The following IFT22 variants were observed in gnomAD, a reference collection of about 807,000 sequenced individuals.
IFT22 encodes intraflagellar transport 22.
IFT22 carries 13 observed loss-of-function variants against 21.0 expected under a neutral mutation model. The observed-to-expected ratio is 0.62, with a 90% CI of 0.40 to 0.98. The LOEUF is 0.98. Ranked by LOEUF, IFT22 falls within the 50% of genes least tolerant of loss-of-function variation. The pLI, the probability that IFT22 is intolerant of heterozygous loss-of-function variation, is 0.00. For missense variants in IFT22, 227 were observed against 228.9 expected (o/e 0.99, Z 0.06); for synonymous variants, 67 against 82.4 (o/e 0.81, Z 1.01).
At chr7:101,318,280 G>A (rs1790223098) in intron 2 of IFT22, 67 bp from the exon 3 acceptor site, 4 of 1,276,020 alleles carry the variant, frequency 3.1e-6, no homozygotes, top group East Asian at 5.0e-5. Context: ...AGCAGTCTGG[G>A]AGGCCAAGGC....
rs1790023916 is a variant in IFT22, at chr7:101,313,103, G to A, written c.*2031C>T. 6.6e-6 allele frequency among the ~76,000 whole-genome samples: 1 copy of A among 152,162 alleles called. No individual in the cohort carries two copies. The highest frequency in any genetic ancestry group is 6.5e-5 in the Admixed American group (1 of 15,268). Reference sequence around the variant, plus strand: ...CCCGTCTCAGACTCCCAAAGTGTTGGGATTACAGGCGTAAGCCACTGCACC... The same window carrying A: ...CCCGTCTCAGACTCCCAAAGTGTTGAGATTACAGGCGTAAGCCACTGCACC... On this transcript the variant is annotated 3_prime_UTR_variant, in exon 5 of 5. Coordinates refer to ENST00000315322, the MANE Select transcript of IFT22 (RefSeq NM_022777.4).
rs751419616 is a variant in IFT22, at chr7:101,314,825, C to T, written c.*309G>A. The T allele has an allele frequency of 5.1e-5, 15 of 295,258 alleles. No individual in the cohort carries two copies. The highest frequency in any genetic ancestry group is 2.3e-4 in the East Asian group (3 of 12,910). 18.3% of individuals were successfully genotyped at this position (295,258 alleles called of 1,614,324 possible). On this transcript the variant is annotated 3_prime_UTR_variant, in exon 5 of 5. Coordinates refer to ENST00000315322, the MANE Select transcript of IFT22 (RefSeq NM_022777.4). ...CTACTGTTGTATCATTGGGCTGCGA[C>T]GGTTACAAGTCCACAAACTGTTTAA...
chr7:101,315,501 A>G (rs1014592009), intron 4 of IFT22: 3 of 578,468 alleles, frequency 5.2e-6, no homozygotes, highest in Admixed American at 6.4e-5. Context: ...CTTAAACCAG[A>G]AAGGAATAGA....
In IFT22 at chr7:101,312,216, C is replaced by G; in HGVS notation, c.*2918G>C. Among the ~76,000 whole-genome samples, 1 of 151,990 alleles carries G rather than the reference C, an allele frequency of 6.6e-6. No individual in the cohort carries two copies. Among genetic ancestry groups the G allele is most frequent in the Non-Finnish European group, 1.5e-5 (1 of 68,004 alleles). On this transcript the variant is annotated 3_prime_UTR_variant, in exon 5 of 5. Transcript: ENST00000315322. ...GACAGGAGTTCGAGATCAGCTGGGG[C>G]AACATGGCAAAACCCCATCTCTACA...
Position 101,311,075 on chromosome 7 carries a change from G to C in IFT22, c.*4059C>G. ...GTGGCGGGACCTCGGCTCACTGCAA[G>C]CTCCGCCTCCCAGGTTCACGCCATT... On this transcript the variant is annotated 3_prime_UTR_variant, in exon 5 of 5. Coordinates refer to ENST00000315322, the MANE Select transcript of IFT22 (RefSeq NM_022777.4). The C allele has an allele frequency of 8.4e-6, 2 of 238,094 alleles. No homozygotes were observed. Among genetic ancestry groups the C allele is most frequent in the South Asian group, 9.5e-5 (2 of 21,092 alleles). The allele number at this position is 238,094 out of a possible 1,614,324, so 14.7% of individuals were successfully genotyped here. A position where few individuals can be genotyped will look rare whatever the true frequency, so the allele number is the denominator to read the frequency against.
At position 101,315,283 on chromosome 7, in the gene IFT22, C is replaced by G; in HGVS notation, c.410-1G>C. 1.2e-6 allele frequency: 2 copies of G among 1,614,068 alleles called. No homozygotes were observed. Among genetic ancestry groups the G allele is most frequent in the Non-Finnish European group, 1.7e-6 (2 of 1,180,018 alleles). ...AGCTTCAGCTTGTTCAAGGGTGGCG[C>G]TTGAAAATGAAGATAAGGTTAATTA... is the stretch of plus-strand genomic sequence containing the variant. On this transcript the variant is annotated splice_acceptor_variant, in intron 4 of 4. Transcript: ENST00000315322. LOFTEE classifies it high-confidence loss of function.
intron 2 of IFT22, 31 bp from the exon 3 acceptor site, chr7:101,318,244 G>C: frequency 6.4e-7 from 1 of 1,564,170 alleles, no homozygotes; most frequent in Admixed American, 1.7e-5. Flanking sequence ...AGTAGGCTGG[G>C]TGCAGTGGCT....
In IFT22 at chr7:101,312,111, G is replaced by A. The variant is rs1207929788; in HGVS notation, c.*3023C>T. Among the ~76,000 whole-genome samples the A allele has an allele frequency of 6.6e-6, 1 of 151,604 alleles. No homozygotes were observed. The highest frequency in any genetic ancestry group is 1.5e-5 in the Non-Finnish European group (1 of 67,888). ...TTGGTGTTATGAAAAATTTTTTAGA[G>A]GTTGTGTATGGGCTGGGCACAATGA... is the stretch of plus-strand genomic sequence containing the variant. On this transcript the variant is annotated 3_prime_UTR_variant, in exon 5 of 5. Transcript: ENST00000315322.
chr7:101,320,049 C>T (rs1385156685), intron 1 of IFT22, among the ~76,000 whole-genome samples: 1 of 151,542 alleles, frequency 6.6e-6, no homozygotes. Context: ...CTCTGCCTCC[C>T]GGATTCAAGC....
chr7:101,319,114 A>T, intron 1 of IFT22, 82 bp from the exon 2 acceptor site: 1 of 1,404,374 alleles, frequency 7.1e-7, no homozygotes, highest in Non-Finnish European at 1.0e-6. Flanking sequence ...GGTGGCCTGG[A>T]ACCCGGTGTG....
chr7:101,320,259 GT>G (rs528527709), intron 1 of IFT22, among the ~76,000 whole-genome samples: 2,502 of 135,478 alleles, frequency 0.018, 74 homozygotes, highest in African/African-American at 0.064. Context: ...ATCCGGCTGG[GT>G]TTTTTTTTTT....
At position 101,312,089 on chromosome 7, in the gene IFT22, G is replaced by C. The variant is rs1475957977; in HGVS notation, c.*3045C>G. On this transcript the variant is annotated 3_prime_UTR_variant, in exon 5 of 5. Transcript: ENST00000315322. ...TCTTTTGAACATGTTTACCAATTTG[G>C]TGTTATGAAAAATTTTTTAGAGGTT... Among the ~76,000 whole-genome samples, 2 of 151,802 alleles carry C rather than the reference G, an allele frequency of 1.3e-5. No homozygotes were observed. Among genetic ancestry groups the C allele is most frequent in the Admixed American group, 6.6e-5 (1 of 15,206 alleles).
chr7:101,315,411 G>C (rs772627529), intron 4 of IFT22, 129 bp from the exon 5 acceptor site: 8 of 986,552 alleles, frequency 8.1e-6, no homozygotes, highest in Non-Finnish European at 1.2e-5. Context: ...CTTGACACCA[G>C]AGAACAGAGA....
Position 101,313,023 on chromosome 7 carries a change from G to A in IFT22, c.*2111C>T, listed in dbSNP as rs369002583. On this transcript the variant is annotated 3_prime_UTR_variant, in exon 5 of 5. Transcript: ENST00000315322. ...TAATTTTTGTATTTTTAGTAGAGAC[G>A]GGGTTTCACCATGTTGGACAGGCTG... 4.6e-5 allele frequency among the ~76,000 whole-genome samples: 7 copies of A among 152,064 alleles called. No individual in the cohort carries two copies. The South Asian group carries it at 1.0e-3, about 23-fold the overall frequency.
At chr7:101,319,324 C>T (rs150706731) in intron 1 of IFT22, among the ~76,000 whole-genome samples, 3 of 152,264 alleles carry the variant, frequency 2.0e-5, no homozygotes, top group East Asian at 1.9e-4. Context: ...CGGGTTCAAA[C>T]GATTCTCCTG....
rs1239147054 is a variant in IFT22 at position 101,321,747 on chromosome 7, G to T, written c.-38C>A. On this transcript the variant is annotated 5_prime_UTR_variant, in exon 1 of 5. Transcript: ENST00000315322. ...CGGCTTAGCCGGCCGGAGCCCACGG[G>T]AGGCGGCGCGTCAGGACGGAGCTCT... The T allele has an allele frequency of 1.9e-6, 3 of 1,569,466 alleles. No homozygotes were observed. The highest frequency in any genetic ancestry group is 1.4e-5 in the African/African-American group (1 of 73,792).
chr7:101,315,471 C>T, intron 4 of IFT22, 189 bp from the exon 5 acceptor site: 1 of 618,036 alleles, frequency 1.6e-6, no homozygotes, highest in African/African-American at 1.8e-5. Context: ...CCTTACAAAC[C>T]ACTTTCCAGG....
chr7:101,316,596 T>C (rs1790161830), intron 3 of IFT22, 54 bp from the exon 4 acceptor site: 1 of 1,568,504 alleles, frequency 6.4e-7, no homozygotes. Flanking sequence ...GGTTTCTAAC[T>C]GTGGACTTTA....
At position 101,318,944 on chromosome 7, in the gene IFT22, G is replaced by C. The variant is rs764504602; in HGVS notation, c.116+12C>G. On this transcript the variant is annotated intron_variant, in intron 2 of 4. Transcript: ENST00000315322. ...GTTGGACACTCTGGGACACAGATTT[G>C]TCAGGGCTCACCTCACTCCTTGGGT... is the stretch of plus-strand genomic sequence containing the variant. The C allele has an allele frequency of 8.2e-5, 131 of 1,603,930 alleles. No homozygotes were observed. The highest frequency in any genetic ancestry group is 1.1e-4 in the Non-Finnish European group (125 of 1,170,862).
Sources: gnomAD v4.1 joint callset for allele counts (sites outside exome capture counted in the v4.1 genomes callset) on GRCh38, gnomAD v4.1.1 for gene constraint, MANE v1.5 for transcripts, NCBI Gene and HGNC (gene_info 2026-07-23, HGNC 2026-07-21) for gene names.